Variants in OPCML observed in about 807,000 individuals in gnomAD.
OPCML encodes the protein opioid binding protein/cell adhesion molecule like.
In OPCML, 13 loss-of-function variants were observed where a neutral mutation model predicts 37.8. That is an observed-to-expected ratio of 0.34 (90% CI 0.22 to 0.55). OPCML has a LOEUF of 0.55. OPCML is among the 20% of genes least tolerant of loss of function. The pLI, the probability that OPCML is intolerant of heterozygous loss-of-function variation, is 0.91. For missense variants in OPCML, 341 were observed against 435.6 expected (o/e 0.78, Z 1.93); for synonymous variants, 176 against 168.8 (o/e 1.04, Z -0.33).
chr11:132,601,100 A>G (rs1167994032), intron 3 of OPCML, among the ~76,000 whole-genome samples: 1 of 152,116 alleles, frequency 6.6e-6, no homozygotes, highest in Non-Finnish European at 1.5e-5. Flanking sequence ...GAACAGAAGA[A>G]CTGACTGTAA....
chr11:132,871,667 G>A (rs1266592744), intron 2 of OPCML, among the ~76,000 whole-genome samples: 17 of 152,218 alleles, frequency 1.1e-4, no homozygotes, highest in Non-Finnish European at 2.5e-4. Flanking sequence ...CGCCACCGAT[G>A]TTAGGCACTT....
At chr11:132,500,077 T>G (rs1315543944) in intron 4 of OPCML, among the ~76,000 whole-genome samples, 1 of 152,192 alleles carries the variant, frequency 6.6e-6, no homozygotes. Context: ...GTCGGGACAC[T>G]GATGTTAAAG....
chr11:133,273,996 A>G (rs1289639946), intron 1 of OPCML, among the ~76,000 whole-genome samples: 3 of 152,238 alleles, frequency 2.0e-5, no homozygotes, highest in African/African-American at 7.2e-5. Flanking sequence ...CATGTAATAT[A>G]CAAATATATA....
chr11:133,505,493 T>A (rs1948007894), intron 1 of OPCML, among the ~76,000 whole-genome samples: 1 of 152,154 alleles, frequency 6.6e-6, no homozygotes, highest in Non-Finnish European at 1.5e-5. Flanking sequence ...CCTCCCTCAA[T>A]CTGCTTCCTC....
chr11:133,213,919 T>C (rs958556430), intron 1 of OPCML, among the ~76,000 whole-genome samples: 1 of 152,190 alleles, frequency 6.6e-6, no homozygotes, highest in Admixed American at 6.5e-5. Flanking sequence ...GATAACATCA[T>C]CTTTAAGAAA....
chr11:133,133,525 G>A (rs1008738168), intron 1 of OPCML, among the ~76,000 whole-genome samples: 4 of 152,030 alleles, frequency 2.6e-5, no homozygotes, highest in Non-Finnish European at 2.9e-5. Context: ...CAGGCAGCCC[G>A]TTCTCCCCAT....
intron 2 of OPCML, among the ~76,000 whole-genome samples, chr11:132,827,807 A>ATTT (rs71477776): frequency 5.4e-5 from 8 of 149,118 alleles, no homozygotes; most frequent in South Asian, 2.1e-4. Context: ...GCCTGGCTGA[A>ATTT]TTTTTTTTTT....
At chr11:133,255,255 G>C (rs566299205) in intron 1 of OPCML, among the ~76,000 whole-genome samples, 1 of 152,080 alleles carries the variant, frequency 6.6e-6, no homozygotes, top group Non-Finnish European at 1.5e-5. Flanking sequence ...ACTTAAATAC[G>C]AATGTCTCCA....
At position 133,276,944 on chromosome 11, in the gene OPCML, A is replaced by G. The variant is rs1376614681; in HGVS notation, c.61+255320T>C. ...TACAAATGTTTCTGAAATTTCAGAC[A>G]TAGTTCCAATAGTTTATAGATGGAT... On this transcript the variant is annotated intron_variant, in intron 1 of 7. Coordinates refer to ENST00000524381, the MANE Select transcript of OPCML (RefSeq NM_001012393.5). 3.3e-5 allele frequency among the ~76,000 whole-genome samples: 5 copies of G among 152,356 alleles called. No individual in the cohort carries two copies. The South Asian group carries it at 8.3e-4, about 25-fold the overall frequency.
At chr11:132,616,040 C>CA (rs1427101512) in intron 3 of OPCML, among the ~76,000 whole-genome samples, 4 of 151,810 alleles carry the variant, frequency 2.6e-5, no homozygotes, top group Non-Finnish European at 5.9e-5. Flanking sequence ...CCTATTTGGG[C>CA]AAAAAAAGAT....
intron 1 of OPCML, among the ~76,000 whole-genome samples, chr11:132,946,682 T>A (rs1374405584): frequency 6.6e-6 from 1 of 152,148 alleles, no homozygotes. Flanking sequence ...AAGGCAGCAG[T>A]GGGGTCCAGG....
intron 1 of OPCML, among the ~76,000 whole-genome samples, chr11:133,457,553 AT>A (rs941064672): frequency 6.6e-6 from 1 of 151,326 alleles, no homozygotes; most frequent in African/African-American, 2.4e-5. Context: ...GCCTCTTTTT[AT>A]TTTTTTATGT....
At chr11:132,804,415 G>C (rs1031296914) in intron 2 of OPCML, among the ~76,000 whole-genome samples, 1 of 152,198 alleles carries the variant, frequency 6.6e-6, no homozygotes, top group Non-Finnish European at 1.5e-5. Flanking sequence ...TGCTCTGGGA[G>C]GCCCCTGCAA....
At chr11:133,480,828 C>T (rs1947356499) in intron 1 of OPCML, among the ~76,000 whole-genome samples, 1 of 152,256 alleles carries the variant, frequency 6.6e-6, no homozygotes, top group Non-Finnish European at 1.5e-5. Flanking sequence ...ATGGCATCTA[C>T]CATAGAGCTT....
chr11:133,083,258 T>G (rs1261868946), intron 1 of OPCML, among the ~76,000 whole-genome samples: 2 of 152,048 alleles, frequency 1.3e-5, no homozygotes, highest in Admixed American at 6.5e-5. Flanking sequence ...AGCCGCGGGC[T>G]TTGCCTGAGC....
intron 1 of OPCML, among the ~76,000 whole-genome samples, chr11:133,181,359 G>A (rs574653921): frequency 2.6e-4 from 33 of 126,218 alleles, no homozygotes; most frequent in Admixed American, 4.7e-4. Flanking sequence ...AGATGTTACT[G>A]CACGGGGGTG....
intron 1 of OPCML, among the ~76,000 whole-genome samples, chr11:133,494,636 C>G (rs1296436353): frequency 6.8e-6 from 1 of 147,366 alleles, no homozygotes; most frequent in Non-Finnish European, 1.5e-5. Context: ...AAGCCAAACA[C>G]TGCATGTTCT....
intron 1 of OPCML, among the ~76,000 whole-genome samples, chr11:133,175,745 C>T (rs1433653589): frequency 2.0e-5 from 3 of 151,060 alleles, no homozygotes; most frequent in Non-Finnish European, 4.4e-5. Context: ...TCAGCATGCA[C>T]GATGCAGATG....
At chr11:132,541,457 G>T (rs1317670108) in intron 3 of OPCML, among the ~76,000 whole-genome samples, 1 of 151,790 alleles carries the variant, frequency 6.6e-6, no homozygotes, top group Non-Finnish European at 1.5e-5. Flanking sequence ...AAGGGTTTTT[G>T]TCACAGTGTC....
Sources: allele counts gnomAD v4.1 joint callset (sites outside exome capture counted in the v4.1 genomes callset), GRCh38; gene constraint gnomAD v4.1.1; transcripts MANE v1.5; gene names NCBI Gene and HGNC (gene_info 2026-07-23, HGNC 2026-07-21).